GTF2H1: variants seen among roughly 807,000 people sequenced by gnomAD.
GTF2H1 encodes BTF2 p62.
A neutral mutation model predicts 71.2 loss-of-function variants in GTF2H1; 16 were observed. The ratio of observed to expected loss-of-function variants is 0.22; its 90% CI spans 0.15 to 0.34. GTF2H1 has a LOEUF of 0.34. Ranked by LOEUF, GTF2H1 falls within the 10% of genes least tolerant of loss-of-function variation. The pLI is 1.00. For missense variants in GTF2H1, 498 were observed against 648.2 expected, an observed-to-expected ratio of 0.77 and a Z score of 2.52; for synonymous variants, 215 against 219.0, an observed-to-expected ratio of 0.98 and a Z score of 0.16.
At position 18,323,212 on chromosome 11, in the gene GTF2H1, AAT is replaced by A. The variant is rs771591610; in HGVS notation, c.-16+474_-16+475del. ...ATTTGATTGTCGTGTAATGATGAAA[AAT>A]AGACCATGAGTACCTGGATATATGT... On this transcript the variant is annotated intron_variant, in intron 1 of 14. Transcript: ENST00000265963. Among the ~76,000 whole-genome samples, 5 of 152,300 alleles carry A rather than the reference AAT, an allele frequency of 3.3e-5. No individual in the cohort carries two copies. The East Asian group carries it at 7.7e-4, about 24-fold the overall frequency.
chr11:18,335,910 A>G lies in GTF2H1; in HGVS notation c.311A>G (p.Lys104Arg), dbSNP rs1320958313. 1.9e-6 allele frequency: 3 copies of G among 1,614,058 alleles called. No individual in the cohort carries two copies. The highest frequency in any genetic ancestry group is 2.5e-6 in the Non-Finnish European group (3 of 1,180,008). The change falls in exon 3 of 15, where the codon AAG (lysine) becomes AGG (arginine). Residue 104 changes from lysine to arginine, a missense_variant. Lys to Arg is a conservative substitution (Grantham distance 26, BLOSUM62 2). Transcript: ENST00000265963. Reference sequence around the variant, plus strand: ...CTTCAGCAGCTGCTGCCCAAATTCAAGAGGAAAGCAAATAAAGAACTGGAA... The same window carrying G: ...CTTCAGCAGCTGCTGCCCAAATTCAGGAGGAAAGCAAATAAAGAACTGGAA... Reference protein sequence around the residue: ...DLLQQLLPKFKRKANKELEEK... With the variant: ...DLLQQLLPKFRRKANKELEEK...
chr11:18,363,832 G>A (rs1249022469), intron 14 of GTF2H1, among the ~76,000 whole-genome samples: 1 of 151,976 alleles, frequency 6.6e-6, no homozygotes, highest in Non-Finnish European at 1.5e-5. Context: ...CAGTACTTTG[G>A]GAGGCTGAGG....
chr11:18,330,590 A>G (rs892957532), intron 1 of GTF2H1, among the ~76,000 whole-genome samples: 4 of 152,198 alleles, frequency 2.6e-5, no homozygotes, highest in Non-Finnish European at 4.4e-5. Flanking sequence ...TTTGCACGGG[A>G]GGGCTATGTG....
chr11:18,326,981 A>G (rs1049707031), intron 1 of GTF2H1, among the ~76,000 whole-genome samples: 4 of 151,602 alleles, frequency 2.6e-5, no homozygotes, highest in Non-Finnish European at 4.4e-5. Context: ...CTGCCTCAAA[A>G]CCTCATCTCT....
intron 8 of GTF2H1, 22 bp downstream of exon 8, chr11:18,347,737 G>A: frequency 1.2e-6 from 2 of 1,609,394 alleles, no homozygotes; most frequent in African/African-American, 1.3e-5. Context: ...ATGCAGAGGT[G>A]CAGTAACTGG....
rs765532809 is a variant in GTF2H1 at position 18,341,543 on chromosome 11, T to C, written c.773T>C (p.Val258Ala). 1.2e-6 allele frequency: 2 copies of C among 1,611,820 alleles called. No homozygotes were observed. The highest frequency in any genetic ancestry group is 2.2e-5 in the South Asian group (2 of 90,714). ...KIDEKGLKTM[V>A]SLGVKNPLLD... ...GATTTTCTAGGCCTAAAAACAATGG[T>C]TTCATTAGGAGTGAAAAACCCACTA... is the stretch of plus-strand genomic sequence containing the variant. The change falls in exon 7 of 15, where the codon GTT becomes GCT. Residue 258 changes from valine to alanine, a missense_variant. Val to Ala is a moderately conservative substitution (Grantham distance 64). Transcript: ENST00000265963.
chr11:18,339,436 G>A (rs897522189), intron 4 of GTF2H1, 128 bp from the exon 5 acceptor site: 4 of 589,860 alleles, frequency 6.8e-6, no homozygotes, highest in African/African-American at 1.9e-5. Flanking sequence ...AAGTGAAGGT[G>A]AGGGACTTTC....
At chr11:18,337,599 G>A (rs1257024802) in intron 3 of GTF2H1, among the ~76,000 whole-genome samples, 1 of 151,276 alleles carries the variant, frequency 6.6e-6, no homozygotes, top group Non-Finnish European at 1.5e-5. Context: ...GAAGTACTTG[G>A]GAAAAAAATA....
Position 18,351,883 on chromosome 11 carries a change from G to A in GTF2H1, c.1056G>A (p.Ala352=), listed in dbSNP as rs1428125526. 7.3e-6 allele frequency: 11 copies of A among 1,498,638 alleles called. No homozygotes were observed. Among genetic ancestry groups the A allele is most frequent in the East Asian group, 4.5e-5 (2 of 44,224 alleles). The allele number at this position is 1,498,638 out of a possible 1,614,324, so 92.8% of individuals were successfully genotyped here. Residue 352 remains alanine, a splice_region_variant and synonymous_variant, in exon 10 of 15, where the codon GCG becomes GCA. Transcript: ENST00000265963. ...AAGTACTGTGTTAATAATTATAGGCGAAATTACAAGAGTCCATTGAATATG... is the reference window on the plus strand; with the variant it reads ...AAGTACTGTGTTAATAATTATAGGCAAAATTACAAGAGTCCATTGAATATG... ...ADCFQPAVKR[A]KLQESIEYED...
intron 11 of GTF2H1, among the ~76,000 whole-genome samples, chr11:18,357,441 CGGA>C (rs1190447879): frequency 6.6e-6 from 1 of 151,902 alleles, no homozygotes; most frequent in Non-Finnish European, 1.5e-5. Context: ...AAGCCAGGTG[CGGA>C]GTACACACCT....
At chr11:18,363,087 C>T (rs560624278) in intron 14 of GTF2H1, among the ~76,000 whole-genome samples, 1 of 152,198 alleles carries the variant, frequency 6.6e-6, no homozygotes, top group East Asian at 1.9e-4. Context: ...TGTCTTCCAC[C>T]TCCACATCTT....
intron 11 of GTF2H1, among the ~76,000 whole-genome samples, chr11:18,355,201 G>A (rs1865514440): frequency 6.6e-6 from 1 of 150,864 alleles, no homozygotes; most frequent in African/African-American, 2.4e-5. Context: ...GGAGTGCAGT[G>A]GCATGATCCC....
chr11:18,333,807 A>G (rs1254425350), intron 2 of GTF2H1, among the ~76,000 whole-genome samples: 1 of 152,210 alleles, frequency 6.6e-6, no homozygotes. Context: ...TGCATTTAAA[A>G]TGCTGATAGA....
intron 5 of GTF2H1, 124 bp from the exon 6 acceptor site, chr11:18,341,137 C>G (rs1429513582): frequency 3.0e-6 from 2 of 670,286 alleles, no homozygotes; most frequent in East Asian, 5.5e-5. Context: ...TAGATTATAA[C>G]TTATAGTATG....
At chr11:18,365,463 A>G (rs1865799814) in intron 14 of GTF2H1, among the ~76,000 whole-genome samples, 1 of 152,160 alleles carries the variant, frequency 6.6e-6, no homozygotes, top group Non-Finnish European at 1.5e-5. Flanking sequence ...AAAATCACAG[A>G]TATAGTTCAG....
At chr11:18,337,838 A>T (rs1181164099) in intron 3 of GTF2H1, among the ~76,000 whole-genome samples, 1 of 152,168 alleles carries the variant, frequency 6.6e-6, no homozygotes, top group Non-Finnish European at 1.5e-5. Context: ...TGGGATACGG[A>T]GATGAATAAG....
chr11:18,362,878 C>T (rs1038120052), intron 14 of GTF2H1, among the ~76,000 whole-genome samples: 1 of 151,944 alleles, frequency 6.6e-6, no homozygotes, highest in Admixed American at 6.6e-5. Flanking sequence ...ACTGTGTCGG[C>T]CAGGTTGGTC....
chr11:18,359,186 A>G (rs1163937724), intron 13 of GTF2H1, among the ~76,000 whole-genome samples: 2 of 152,234 alleles, frequency 1.3e-5, no homozygotes, highest in Non-Finnish European at 2.9e-5. Context: ...GGAGTGGCCT[A>G]GGAAGATTAA....
chr11:18,363,834 A>AG (rs1195352734), intron 14 of GTF2H1, among the ~76,000 whole-genome samples: 1 of 152,050 alleles, frequency 6.6e-6, no homozygotes, highest in African/African-American at 2.4e-5. Context: ...GTACTTTGGG[A>AG]GGCTGAGGCG....
Sources: allele counts gnomAD v4.1 joint callset (sites outside exome capture counted in the v4.1 genomes callset), GRCh38; gene constraint gnomAD v4.1.1; transcripts MANE v1.5; gene names NCBI Gene and HGNC (gene_info 2026-07-23, HGNC 2026-07-21).